The following UGT8 variants were observed in gnomAD, a reference collection of about 807,000 sequenced individuals.
UGT8 encodes 2-hydroxyacylsphingosine 1-beta-galactosyltransferase.
Under a neutral mutation model 40.5 loss-of-function variants are expected in UGT8, and 12 were observed. The observed-to-expected ratio is 0.30, with a 90% CI of 0.19 to 0.48. UGT8 has a LOEUF of 0.48. Ranked by LOEUF, UGT8 falls within the 20% of genes least tolerant of loss-of-function variation. The pLI is 0.99. For missense variants in UGT8, 513 were observed against 648.7 expected (o/e 0.79, Z 2.27); for synonymous variants, 224 against 240.4 (o/e 0.93, Z 0.63).
chr4:114,663,222 A>G (rs1347117232), intron 2 of UGT8, among the ~76,000 whole-genome samples: 1 of 152,118 alleles, frequency 6.6e-6, no homozygotes, highest in African/African-American at 2.4e-5. Context: ...AGGCATGGCA[A>G]TAACTCTTCC....
At chr4:114,618,982 G>A (rs895514978) in intron 1 of UGT8, among the ~76,000 whole-genome samples, 11 of 151,988 alleles carry the variant, frequency 7.2e-5, no homozygotes, top group African/African-American at 2.7e-4. Context: ...TAGAATTCTT[G>A]GGCTAATTCC....
At chr4:114,631,428 A>T (rs1732565314) in intron 2 of UGT8, among the ~76,000 whole-genome samples, 1 of 152,246 alleles carries the variant, frequency 6.6e-6, no homozygotes, top group East Asian at 1.9e-4. Context: ...CAGAGGTCAC[A>T]GTGAGCTGAG....
chr4:114,676,008 A>T lies in UGT8; in HGVS notation c.1346A>T (p.Asp449Val), dbSNP rs779724694. 2 of 1,614,184 alleles carry T rather than the reference A, an allele frequency of 1.2e-6. No individual in the cohort carries two copies. The highest frequency in any genetic ancestry group is 2.2e-5 in the South Asian group (2 of 91,082). ...GTCAATCGAACTATCTATTGGATAG[A>T]TTATATTATTCGTCACAATGGAGCC... ...HPVNRTIYWIDYIIRHNGAHH... is the reference protein window; with the variant it reads ...HPVNRTIYWIVYIIRHNGAHH... The change falls in exon 6 of 6, where the codon GAT becomes GTT. Residue 449 changes from aspartate (D) to valine (V), a missense_variant. By Grantham distance (152) the Asp-to-Val change is radical (BLOSUM62 -3). This residue lies in a region of UGT8 where 175 missense variants were observed against 186.7 expected (regional missense o/e 0.94). Coordinates refer to ENST00000310836, the MANE Select transcript of UGT8 (RefSeq NM_001128174.3).
chr4:114,619,083 C>T (rs1334083161), intron 1 of UGT8, among the ~76,000 whole-genome samples: 1 of 151,944 alleles, frequency 6.6e-6, no homozygotes, highest in Non-Finnish European at 1.5e-5. Flanking sequence ...TGTATTCTCT[C>T]TTCTTTTTAT....
intron 1 of UGT8, among the ~76,000 whole-genome samples, chr4:114,602,460 A>G (rs1730498678): frequency 6.6e-6 from 1 of 152,238 alleles, no homozygotes; most frequent in Non-Finnish European, 1.5e-5. Context: ...TATGATTAAA[A>G]TGGTTTAATT....
chr4:114,640,326 G>A (rs562548412), intron 2 of UGT8, among the ~76,000 whole-genome samples: 97 of 151,982 alleles, frequency 6.4e-4, no homozygotes, highest in South Asian at 1.2e-3. Context: ...CACCGCGCCC[G>A]GCCAAAAATA....
intron 1 of UGT8, chr4:114,619,673 G>A (rs945937459): frequency 5.3e-5 from 8 of 151,934 alleles, no homozygotes; most frequent in Admixed American, 3.9e-4. Context: ...TCTAGTGGCT[G>A]CATTATATGA....
rs559127645 is a variant in UGT8, at chr4:114,627,336, A to G, written c.822+3634A>G. On this transcript the variant is annotated intron_variant, in intron 2 of 5. Coordinates refer to ENST00000310836, the MANE Select transcript of UGT8 (RefSeq NM_001128174.3). ...TGCAGTGGCATGATCTCAGCTCACT[A>G]CAACCTCTGCCTCCCAGGTTCAAGT... Among the ~76,000 whole-genome samples the G allele has an allele frequency of 1.4e-5, 2 of 146,728 alleles. 1 individual carries two copies. Among genetic ancestry groups the G allele is most frequent in the African/African-American group, 5.1e-5 (2 of 39,326 alleles).
rs1249587945 is a variant in UGT8 at position 114,676,598 on chromosome 4, G to T, written c.*310G>T. The T allele has an allele frequency of 1.2e-5, 3 of 245,510 alleles. No individual in the cohort carries two copies. The highest frequency in any genetic ancestry group is 9.6e-5 in the East Asian group (1 of 10,426). 15.2% of individuals were successfully genotyped at this position (245,510 alleles called of 1,614,324 possible). ...TAAATCTTGATATGTGCGTGTCCCG[G>T]ATCAGGAATGGTTTCATTTTTCTTA... is the stretch of plus-strand genomic sequence containing the variant. On this transcript the variant is annotated 3_prime_UTR_variant, in exon 6 of 6. Coordinates refer to ENST00000310836, the MANE Select transcript of UGT8 (RefSeq NM_001128174.3).
intron 1 of UGT8, among the ~76,000 whole-genome samples, chr4:114,610,689 A>G (rs1202002338): frequency 6.6e-6 from 1 of 152,172 alleles, no homozygotes; most frequent in Non-Finnish European, 1.5e-5. Flanking sequence ...TTTATAAAAT[A>G]GGGAAGTTTG....
At chr4:114,670,504 G>C (rs1010314643) in intron 5 of UGT8, among the ~76,000 whole-genome samples, 2 of 151,044 alleles carry the variant, frequency 1.3e-5, no homozygotes, top group Non-Finnish European at 2.9e-5. Context: ...TGCAAGGCTG[G>C]TTCAACATAT....
chr4:114,613,257 A>G (rs1731197286), intron 1 of UGT8, among the ~76,000 whole-genome samples: 1 of 152,190 alleles, frequency 6.6e-6, no homozygotes, highest in African/African-American at 2.4e-5. Flanking sequence ...ACCAAGTACC[A>G]TACATGTCCA....
At position 114,663,919 on chromosome 4, in the gene UGT8, T is replaced by A. The variant is rs1051715611; in HGVS notation, c.823-76T>A. The A allele has an allele frequency of 7.7e-6, 12 of 1,548,794 alleles. No homozygotes were observed. In the African/African-American group the frequency reaches 9.7e-5, roughly 12 times the overall value. ...GAAAATTACTTAAAAGGTTTTTTTT[T>A]AACTGGGCTGTTAATAACACCAATT... On this transcript the variant is annotated intron_variant, in intron 2 of 5. Coordinates refer to ENST00000310836, the MANE Select transcript of UGT8 (RefSeq NM_001128174.3).
At chr4:114,655,763 T>C in intron 2 of UGT8, among the ~76,000 whole-genome samples, 1 of 152,054 alleles carries the variant, frequency 6.6e-6, no homozygotes, top group East Asian at 1.9e-4. Flanking sequence ...CAATGATATA[T>C]TACTACCATC....
intron 1 of UGT8, among the ~76,000 whole-genome samples, chr4:114,601,815 ATTC>A (rs1383269545): frequency 2.0e-5 from 3 of 148,398 alleles, no homozygotes. Context: ...CAGAAGTACC[ATTC>A]TTCTTTTTAT....
Position 114,664,055 on chromosome 4 carries a change from G to T in UGT8, c.883G>T (p.Ala295Ser). 1 of 1,614,094 alleles carries T rather than the reference G, an allele frequency of 6.2e-7. No individual in the cohort carries two copies. Among genetic ancestry groups the T allele is most frequent in the Non-Finnish European group, 8.5e-7 (1 of 1,179,982 alleles). ...TGGCTTTGTCTTGGTGTCTTTTGGA[G>T]CTGGTGTCAAGTATCTGTCAGAAGA... is the stretch of plus-strand genomic sequence containing the variant. Reference protein sequence around the residue: ...EHGFVLVSFGAGVKYLSEDIA... With the variant: ...EHGFVLVSFGSGVKYLSEDIA... Residue 295 changes from alanine to serine, a missense_variant, in exon 3 of 6, where the codon GCT becomes TCT. By Grantham distance (99) the Ala-to-Ser change is moderately conservative (BLOSUM62 1). Coordinates refer to ENST00000310836, the MANE Select transcript of UGT8 (RefSeq NM_001128174.3).
At chr4:114,661,273 TTGTGTGTGTGTGCG>T (rs1455883674) in intron 2 of UGT8, among the ~76,000 whole-genome samples, 2 of 151,958 alleles carry the variant, frequency 1.3e-5, no homozygotes, top group African/African-American at 2.4e-5. Context: ...GAGTTAGGAT[TTGTGTGTGTGTGCG>T]TGTGTGTGTG....
intron 2 of UGT8, among the ~76,000 whole-genome samples, chr4:114,658,435 G>A (rs1029327574): frequency 6.6e-6 from 1 of 152,186 alleles, no homozygotes; most frequent in Non-Finnish European, 1.5e-5. Flanking sequence ...TCTTGGAGGA[G>A]AGAAAAGAGT....
intron 2 of UGT8, among the ~76,000 whole-genome samples, chr4:114,641,406 GA>G (rs1733215352): frequency 3.9e-5 from 6 of 152,250 alleles, no homozygotes; most frequent in African/African-American, 1.4e-4. Flanking sequence ...AACTGCCCTG[GA>G]TGACCCAATC....
Sources: allele counts gnomAD v4.1 joint callset (sites outside exome capture counted in the v4.1 genomes callset), GRCh38; gene constraint gnomAD v4.1.1; regional missense constraint gnomAD v4.1.1; transcripts MANE v1.5; gene names NCBI Gene and HGNC (gene_info 2026-07-23, HGNC 2026-07-21).